SPIDR: variants seen among roughly 807,000 people sequenced by gnomAD.
SPIDR encodes the protein scaffold protein involved in DNA repair.
In SPIDR, 93 loss-of-function variants were observed where a neutral mutation model predicts 104.6. That is an observed-to-expected ratio of 0.89 (90% CI 0.75 to 1.06). The LOEUF (loss-of-function observed/expected upper bound fraction) is 1.06. Ranked by LOEUF, SPIDR falls within the 50% of genes least tolerant of loss-of-function variation. The pLI, the probability that SPIDR is intolerant of heterozygous loss-of-function variation, is 0.00. For synonymous variants in SPIDR, 431 were observed against 416.9 expected (o/e 1.03, Z -0.41); for missense variants, 1,154 against 1,111.2 (o/e 1.04, Z -0.55).
At position 47,626,177 on chromosome 8, in the gene SPIDR, C is replaced by G. The variant is rs531409384; in HGVS notation, c.1544+26981C>G. Among the ~76,000 whole-genome samples the G allele has an allele frequency of 7.0e-4, 106 of 152,298 alleles. 1 individual carries two copies. The South Asian group carries it at 0.011, about 16-fold the overall frequency. ...TAATAAATGGTGCTGGGAAAACTGG[C>G]TAGCCATATGTAGAAAGCTGAAACT... On this transcript the variant is annotated intron_variant, in intron 10 of 19. Coordinates refer to ENST00000297423, the MANE Select transcript of SPIDR (RefSeq NM_001080394.4).
intron 16 of SPIDR, among the ~76,000 whole-genome samples, chr8:47,715,125 G>C (rs1018090675): frequency 6.6e-6 from 1 of 151,424 alleles, no homozygotes. Context: ...CCAATCTACT[G>C]TTTGCTTCTA....
rs562609208 is a variant in SPIDR, at chr8:47,472,655, A to T, written c.1097+32113A>T. On this transcript the variant is annotated intron_variant, in intron 8 of 19. Transcript: ENST00000297423. ...ACTGTACTTTTTCTATCTAGAGCACAGTTTATTTACTTCAGAGAAGCTAGA... is the reference window on the plus strand; with the variant it reads ...ACTGTACTTTTTCTATCTAGAGCACTGTTTATTTACTTCAGAGAAGCTAGA... Among the ~76,000 whole-genome samples, 5 of 152,242 alleles carry T rather than the reference A, an allele frequency of 3.3e-5. No individual in the cohort carries two copies. The East Asian group carries it at 9.6e-4, about 29-fold the overall frequency.
chr8:47,527,441 C>T (rs1169933881), intron 8 of SPIDR: 1 of 152,294 alleles, frequency 6.6e-6, no homozygotes, highest in Non-Finnish European at 1.5e-5. Context: ...TGACACCATA[C>T]CACCACATCA....
intron 5 of SPIDR, among the ~76,000 whole-genome samples, chr8:47,316,636 C>A (rs2045400637): frequency 6.6e-6 from 1 of 152,108 alleles, no homozygotes; most frequent in Non-Finnish European, 1.5e-5. Context: ...ACATCGAGTT[C>A]TAGAACAGGC....
intron 8 of SPIDR, among the ~76,000 whole-genome samples, chr8:47,589,022 G>GTTTT (rs1168001066): frequency 0.016 from 1,377 of 88,522 alleles, 1 homozygote; most frequent in Non-Finnish European, 0.023. Flanking sequence ...TTTATAGTTT[G>GTTTT]TTTTTTTTTT....
intron 8 of SPIDR, among the ~76,000 whole-genome samples, chr8:47,483,517 G>C (rs782518978): frequency 1.1e-4 from 17 of 152,176 alleles, no homozygotes; most frequent in African/African-American, 2.7e-4. Context: ...AAAGTAGTCA[G>C]TGTAGAGGAA....
At chr8:47,427,163 T>C (rs2066542935) in intron 7 of SPIDR, among the ~76,000 whole-genome samples, 1 of 151,816 alleles carries the variant, frequency 6.6e-6, no homozygotes, top group Admixed American at 6.6e-5. Flanking sequence ...TGGACACTTC[T>C]AATGCTTTTA....
At position 47,284,008 on chromosome 8, in the gene SPIDR, G is replaced by A; in HGVS notation, c.190-20G>A. ...TTAGCATTTGTCACATAAATTCCAT[G>A]ATTATTATTTTGCCTACAGTCATTA... On this transcript the variant is annotated intron_variant, in intron 2 of 19. Transcript: ENST00000297423. The A allele has an allele frequency of 6.3e-7, 1 of 1,576,016 alleles. No homozygotes were observed. Among genetic ancestry groups the A allele is most frequent in the Non-Finnish European group, 8.6e-7 (1 of 1,162,004 alleles).
intron 10 of SPIDR, among the ~76,000 whole-genome samples, chr8:47,623,191 G>C (rs543735802): frequency 1.7e-4 from 26 of 152,310 alleles, no homozygotes; most frequent in South Asian, 1.0e-3. Context: ...AATGCTGAGA[G>C]ATTTTGTCAC....
chr8:47,673,345 C>G (rs2076026916), intron 10 of SPIDR: 1 of 452,526 alleles, frequency 2.2e-6, no homozygotes, highest in Non-Finnish European at 4.4e-6. Flanking sequence ...TATTGTTGTT[C>G]TTATCGTAAT....
chr8:47,371,668 A>C (rs1469074556), intron 5 of SPIDR, among the ~76,000 whole-genome samples: 56 of 152,220 alleles, frequency 3.7e-4, no homozygotes, highest in Non-Finnish European at 1.0e-4. Flanking sequence ...AGACACATTC[A>C]GTGTAATGGT....
chr8:47,473,965 A>G (rs1554722405), intron 8 of SPIDR, among the ~76,000 whole-genome samples: 1 of 152,170 alleles, frequency 6.6e-6, no homozygotes, highest in East Asian at 1.9e-4. Context: ...TAGGAGAGGT[A>G]GGTGGTGTTC....
chr8:47,309,764 C>T (rs1329429071), intron 5 of SPIDR, among the ~76,000 whole-genome samples: 11 of 152,212 alleles, frequency 7.2e-5, no homozygotes, highest in African/African-American at 2.7e-4. Flanking sequence ...GTTGGCCAGG[C>T]ACAGTGGCTC....
At chr8:47,584,015 T>A (rs1308322792) in intron 8 of SPIDR, among the ~76,000 whole-genome samples, 1 of 151,956 alleles carries the variant, frequency 6.6e-6, no homozygotes, top group African/African-American at 2.4e-5. Context: ...AAAGGGAGAG[T>A]GGAATGAACC....
At chr8:47,576,177 G>A (rs1053923263) in intron 8 of SPIDR, among the ~76,000 whole-genome samples, 2 of 150,812 alleles carry the variant, frequency 1.3e-5, no homozygotes, top group Non-Finnish European at 3.0e-5. Flanking sequence ...ATTTTGAGAC[G>A]GAGTCTCACT....
At chr8:47,711,778 G>A (rs146691833) in intron 14 of SPIDR, among the ~76,000 whole-genome samples, 168 of 152,052 alleles carry the variant, frequency 1.1e-3, no homozygotes, top group Non-Finnish European at 1.9e-3. Context: ...TGTATAACTC[G>A]CTTCTCCAAC....
intron 10 of SPIDR, chr8:47,654,246 C>A: frequency 8.5e-7 from 1 of 1,181,906 alleles, no homozygotes. Context: ...GTTTAAGAGA[C>A]AGGTTGGGAA....
At chr8:47,550,257 T>G (rs2090219421) in intron 8 of SPIDR, among the ~76,000 whole-genome samples, 1 of 152,240 alleles carries the variant, frequency 6.6e-6, no homozygotes, top group South Asian at 2.1e-4. Flanking sequence ...AGGCTCCTTT[T>G]TGGTTCCATA....
Position 47,396,560 on chromosome 8 carries a change from C to T in SPIDR, c.710C>T (p.Thr237Ile), listed in dbSNP as rs1168704488. 12 of 1,614,010 alleles carry T rather than the reference C, an allele frequency of 7.4e-6. No individual in the cohort carries two copies. The African/African-American group carries it at 8.0e-5, about 11-fold the overall frequency. Residue 237 changes from threonine (T) to isoleucine (I), a missense_variant, in exon 6 of 20, where the codon ACA (threonine) becomes ATA (isoleucine). Thr to Ile is a moderately conservative substitution (Grantham distance 89). Transcript: ENST00000297423. ...RTKSTETILHTPQKPTAKFPR... is the reference protein window; with the variant it reads ...RTKSTETILHIPQKPTAKFPR... ...AAATCAACAGAGACCATTTTGCATA[C>T]ACCTCAGAAACCCACAGCTAAGTTT... is the stretch of plus-strand genomic sequence containing the variant.
Sources: allele counts gnomAD v4.1 joint callset (sites outside exome capture counted in the v4.1 genomes callset), GRCh38; gene constraint gnomAD v4.1.1; transcripts MANE v1.5; gene names NCBI Gene and HGNC (gene_info 2026-07-23, HGNC 2026-07-21).